Variants in KDM6A observed in about 807,000 individuals in gnomAD.
KDM6A encodes the protein lysine demethylase 6A.
In KDM6A, 11 loss-of-function variants were observed where a neutral mutation model predicts 117.6. That is an observed-to-expected ratio of 0.09 (90% CI 0.06 to 0.15). The LOEUF is 0.15. KDM6A is among the 10% of genes least tolerant of loss of function. The pLI is 1.00. For synonymous variants in KDM6A, 384 were observed against 396.1 expected, an observed-to-expected ratio of 0.97 and a Z score of 0.36; for missense variants, 799 against 1,077.3, an observed-to-expected ratio of 0.74 and a Z score of 3.62.
At chrX:45,025,548 C>T (rs1253794233) in intron 6 of KDM6A, among the ~76,000 whole-genome samples, 1 of 111,963 alleles carries the variant, frequency 8.9e-6, no homozygotes, top group Non-Finnish European at 1.9e-5. Flanking sequence ...AGTGTGCTAC[C>T]ATTACTTTAA....
intron 2 of KDM6A, among the ~76,000 whole-genome samples, chrX:44,875,646 G>T (rs2031448410): frequency 9.2e-6 from 1 of 109,149 alleles, no homozygotes; most frequent in Non-Finnish European, 1.9e-5. Context: ...CATTATAAAA[G>T]ATTAAACATG....
chrX:44,991,969 G>A (rs972752983), intron 4 of KDM6A, among the ~76,000 whole-genome samples: 5 of 110,707 alleles, frequency 4.5e-5, no homozygotes, highest in Non-Finnish European at 7.6e-5. Flanking sequence ...GATTACAGGC[G>A]TGAGCCACTG....
At chrX:44,874,089 G>A in intron 2 of KDM6A, 102 bp downstream of exon 2, 1 of 756,058 alleles carries the variant, frequency 1.3e-6, no homozygotes, top group Non-Finnish European at 2.0e-6. Context: ...GGCCACGGAC[G>A]ATGGTCGAGG....
intron 4 of KDM6A, among the ~76,000 whole-genome samples, chrX:45,001,068 C>T (rs142364895): frequency 0.038 from 4,307 of 111,901 alleles, 214 homozygotes; most frequent in African/African-American, 0.13. Context: ...TTGGTCTTGT[C>T]GTTAGATGGA....
At chrX:45,002,545 A>G (rs959948391) in intron 4 of KDM6A, among the ~76,000 whole-genome samples, 14 of 112,382 alleles carry the variant, frequency 1.2e-4, no homozygotes, top group Admixed American at 5.6e-4. Flanking sequence ...TAATGTAGGT[A>G]AAAATGCACA....
At chrX:45,080,990 C>T (rs958495460) in intron 21 of KDM6A, among the ~76,000 whole-genome samples, 22 of 111,982 alleles carry the variant, frequency 2.0e-4, no homozygotes, top group Non-Finnish European at 2.3e-4. Context: ...TGGAGTGCAA[C>T]GGCATGATCT....
At position 45,019,857 on chromosome X, in the gene KDM6A, A is replaced by C. The variant is rs775829423; in HGVS notation, c.444-753A>C. 2.7e-5 allele frequency among the ~76,000 whole-genome samples: 3 copies of C among 112,110 alleles called. No homozygotes were observed. In the East Asian group the frequency reaches 8.3e-4, roughly 31 times the overall value. On this transcript the variant is annotated intron_variant, in intron 5 of 29. Transcript: ENST00000611820. ...AACAATATAATAATGTATTCAATGA[A>C]AAGTGTTTCTTTCCCCAACCCCTGA...
intron 2 of KDM6A, among the ~76,000 whole-genome samples, chrX:44,947,818 T>C (rs2037743469): frequency 8.9e-6 from 1 of 112,098 alleles, no homozygotes; most frequent in Non-Finnish European, 1.9e-5. Context: ...TGTTCGCTCA[T>C]TGAGGCTCAG....
intron 4 of KDM6A, among the ~76,000 whole-genome samples, chrX:44,986,725 T>G (rs61396820): frequency 0.098 from 10,953 of 111,374 alleles, 576 homozygotes; most frequent in East Asian, 0.38. Flanking sequence ...GCAGTTTTGA[T>G]TGAGTTTCTT....
intron 20 of KDM6A, 99 bp downstream of exon 20, chrX:45,078,604 C>CT (rs1223993031): frequency 7.6e-4 from 466 of 610,158 alleles, no homozygotes; most frequent in Middle Eastern, 1.1e-3. Flanking sequence ...TTTCTTTTTT[C>CT]TTTTTTTTTC....
intron 8 of KDM6A, among the ~76,000 whole-genome samples, chrX:45,051,374 G>A (rs758503637): frequency 6.4e-4 from 72 of 111,671 alleles, no homozygotes; most frequent in Non-Finnish European, 1.2e-3. Flanking sequence ...ATATGCACTT[G>A]GAGGTAGAAT....
At chrX:45,107,675 T>G (rs2046580965) in intron 28 of KDM6A, 139 bp downstream of exon 28, 1 of 578,368 alleles carries the variant, frequency 1.7e-6, no homozygotes, top group African/African-American at 2.4e-5. Context: ...TCAATTTTGT[T>G]GCTTAGCCAT....
chrX:45,040,205 T>C (rs1317877001), intron 8 of KDM6A, among the ~76,000 whole-genome samples: 1 of 90,243 alleles, frequency 1.1e-5, no homozygotes, highest in African/African-American at 4.2e-5. Flanking sequence ...TACTTCCCAG[T>C]AGGGGCGGCC....
chrX:45,033,988 G>A (rs1285665149), intron 6 of KDM6A, among the ~76,000 whole-genome samples: 2 of 111,055 alleles, frequency 1.8e-5, no homozygotes, highest in African/African-American at 6.6e-5. Flanking sequence ...GGATAGGAAT[G>A]AATTTATTAT....
chrX:45,105,946 C>A (rs772110649), intron 27 of KDM6A, among the ~76,000 whole-genome samples: 1 of 112,025 alleles, frequency 8.9e-6, no homozygotes, highest in South Asian at 3.7e-4. Context: ...GGGTTCCTTG[C>A]TCCTTATGCG....
intron 2 of KDM6A, among the ~76,000 whole-genome samples, chrX:44,956,518 A>G (rs2038336184): frequency 9.1e-6 from 1 of 110,414 alleles, no homozygotes; most frequent in East Asian, 2.9e-4. Flanking sequence ...TCCCGCTTCA[A>G]GCTTCCCACG....
chrX:44,908,249 T>TTAC (rs2034855644), intron 2 of KDM6A, among the ~76,000 whole-genome samples: 1 of 111,785 alleles, frequency 8.9e-6, no homozygotes, highest in Non-Finnish European at 1.9e-5. Context: ...GCTTTGTCTG[T>TTAC]TGTTGTCTTC....
At chrX:45,079,700 C>T (rs981447319) in intron 21 of KDM6A, among the ~76,000 whole-genome samples, 5 of 111,680 alleles carry the variant, frequency 4.5e-5, no homozygotes, top group African/African-American at 6.5e-5. Flanking sequence ...TGTGCTACCA[C>T]GCCCAGCTAA....
At chrX:45,046,922 T>G (rs1034826857) in intron 8 of KDM6A, among the ~76,000 whole-genome samples, 2 of 110,914 alleles carry the variant, frequency 1.8e-5, no homozygotes, top group African/African-American at 6.6e-5. Flanking sequence ...ATAAGTATAA[T>G]GTTCTTGGCT....
Sources: allele counts gnomAD v4.1 joint callset (sites outside exome capture counted in the v4.1 genomes callset), GRCh38; gene constraint gnomAD v4.1.1; transcripts MANE v1.5; gene names NCBI Gene and HGNC (gene_info 2026-07-23, HGNC 2026-07-21).